PHF24: variants seen among roughly 807,000 people sequenced by gnomAD.
PHF24 encodes Galpha inhibitory interacting protein.
A neutral mutation model predicts 42.6 loss-of-function variants in PHF24; 25 were observed. The ratio of observed to expected loss-of-function variants is 0.59; its 90% CI spans 0.43 to 0.82. PHF24 has a LOEUF of 0.82. PHF24 is among the 40% of genes least tolerant of loss of function. The pLI, the probability that PHF24 is intolerant of heterozygous loss-of-function variation, is 0.00. For missense variants in PHF24, 470 were observed against 538.1 expected (o/e 0.87, Z 1.25); for synonymous variants, 185 against 204.8 (o/e 0.90, Z 0.83).
chr9:34,892,724 G>C, the PHF24 span: 20 of 465,708 alleles, frequency 4.3e-5, no homozygotes, highest in Non-Finnish European at 7.2e-5. Context: ...AGGAATTCCA[G>C]GCTTCTCAAA....
the PHF24 span, among the ~76,000 whole-genome samples, chr9:34,686,735 A>G: frequency 6.6e-6 from 1 of 152,158 alleles, no homozygotes; most frequent in East Asian, 1.9e-4. Flanking sequence ...TGTGCGCTAG[A>G]GAAGAAGGTG....
At chr9:34,749,282 A>G in the PHF24 span, among the ~76,000 whole-genome samples, 6 of 152,338 alleles carry the variant, frequency 3.9e-5, no homozygotes, top group South Asian at 1.2e-3. Context: ...AGATACATAT[A>G]GAAGTTTCTT....
chr9:34,947,179 G>T, the PHF24 span, among the ~76,000 whole-genome samples: 5 of 152,208 alleles, frequency 3.3e-5, no homozygotes, highest in Non-Finnish European at 5.9e-5. Flanking sequence ...CCAGTAATGG[G>T]CATATGACAA....
the PHF24 span, among the ~76,000 whole-genome samples, chr9:34,767,492 G>C: frequency 2.0e-5 from 3 of 152,358 alleles, no homozygotes; most frequent in Non-Finnish European, 4.4e-5. Context: ...CTCCGTGCGC[G>C]TAGGACCCTC....
the PHF24 span, among the ~76,000 whole-genome samples, chr9:34,815,024 G>A: frequency 2.0e-4 from 30 of 152,302 alleles, no homozygotes; most frequent in African/African-American, 5.5e-4. Context: ...GAGCCACCGC[G>A]CTTGGCACAA....
At chr9:34,732,630 AT>A in the PHF24 span, among the ~76,000 whole-genome samples, 36 of 152,042 alleles carry the variant, frequency 2.4e-4, no homozygotes, top group African/African-American at 8.5e-4. Context: ...ATGTGAGCCC[AT>A]TTGTCCACTT....
chr9:34,728,750 T>G, the PHF24 span: 1 of 1,126,276 alleles, frequency 8.9e-7, no homozygotes, highest in Non-Finnish European at 1.3e-6. Flanking sequence ...TTCACTCGCT[T>G]TGTATATATC....
chr9:34,908,458 T>A, the PHF24 span, among the ~76,000 whole-genome samples: 2 of 152,180 alleles, frequency 1.3e-5, no homozygotes, highest in Non-Finnish European at 2.9e-5. Context: ...ATATGTAGTA[T>A]GTTAGATGGT....
the PHF24 span, among the ~76,000 whole-genome samples, chr9:34,820,042 C>G: frequency 6.6e-6 from 1 of 151,620 alleles, no homozygotes; most frequent in African/African-American, 2.4e-5. Context: ...CTGAAATGAT[C>G]GTTAATCTGG....
chr9:34,771,552 T>C, the PHF24 span, among the ~76,000 whole-genome samples: 1 of 152,162 alleles, frequency 6.6e-6, no homozygotes, highest in African/African-American at 2.4e-5. Context: ...TTTGCTTGGG[T>C]TTTCCCCAAT....
chr9:34,847,399 T>C, the PHF24 span, among the ~76,000 whole-genome samples: 2 of 152,176 alleles, frequency 1.3e-5, no homozygotes, highest in Non-Finnish European at 2.9e-5. Flanking sequence ...TGGCTCTCTG[T>C]TTGTCTGTTA....
At chr9:34,935,237 A>G in the PHF24 span, among the ~76,000 whole-genome samples, 1 of 152,182 alleles carries the variant, frequency 6.6e-6, no homozygotes, top group Non-Finnish European at 1.5e-5. Context: ...GGACCTTTAC[A>G]AGACCCTTCT....
At chr9:34,763,984 A>T in the PHF24 span, among the ~76,000 whole-genome samples, 1 of 151,452 alleles carries the variant, frequency 6.6e-6, no homozygotes, top group Non-Finnish European at 1.5e-5. Context: ...GATTCTGTTT[A>T]TATGCTGGAT....
At chr9:34,817,003 C>G in the PHF24 span, among the ~76,000 whole-genome samples, 1 of 152,054 alleles carries the variant, frequency 6.6e-6, no homozygotes, top group African/African-American at 2.4e-5. Context: ...AAATGATCCT[C>G]TCAGGTTGTG....
intron 1 of PHF24, among the ~76,000 whole-genome samples, chr9:34,963,520 C>G (rs192967332): frequency 6.6e-6 from 1 of 152,216 alleles, no homozygotes; most frequent in Admixed American, 6.5e-5. Flanking sequence ...AGATACTGCT[C>G]GTGCTAAATT....
At chr9:34,885,798 A>G in the PHF24 span, among the ~76,000 whole-genome samples, 1 of 151,288 alleles carries the variant, frequency 6.6e-6, no homozygotes, top group Non-Finnish European at 1.5e-5. Flanking sequence ...TGCTGCACAG[A>G]TATCAGCAGC....
chr9:34,825,976 C>T, the PHF24 span, among the ~76,000 whole-genome samples: 21 of 152,110 alleles, frequency 1.4e-4, no homozygotes, highest in African/African-American at 5.1e-4. Flanking sequence ...GGAATTGATA[C>T]ACTCTGGAAA....
chr9:34,875,659 A>G, the PHF24 span, among the ~76,000 whole-genome samples: 1 of 152,148 alleles, frequency 6.6e-6, no homozygotes, highest in Non-Finnish European at 1.5e-5. Flanking sequence ...ATTTCTGAGG[A>G]AAGCACTGGA....
At chr9:34,880,244 A>T in the PHF24 span, among the ~76,000 whole-genome samples, 11 of 152,194 alleles carry the variant, frequency 7.2e-5, no homozygotes, top group African/African-American at 2.2e-4. Flanking sequence ...CACTGCAAAA[A>T]CGTGCCAAAT....
Sources: gnomAD v4.1 joint callset for allele counts (sites outside exome capture counted in the v4.1 genomes callset) on GRCh38, gnomAD v4.1.1 for gene constraint, MANE v1.5 for transcripts, NCBI Gene and HGNC (gene_info 2026-07-23, HGNC 2026-07-21) for gene names.